Variants in DYSF observed in about 807,000 individuals in gnomAD.
DYSF encodes the protein dysferlin.
A neutral mutation model predicts 274.9 loss-of-function variants in DYSF; 212 were observed. The observed-to-expected ratio is 0.77, with a 90% CI of 0.69 to 0.86. The LOEUF (loss-of-function observed/expected upper bound fraction) is 0.86, where lower values mean the gene tolerates loss of function less well. DYSF is among the 40% of genes least tolerant of loss of function. The probability of loss-of-function intolerance (pLI) is 0.00; values close to 1 mark genes in which losing one functional copy is unlikely to be tolerated. For synonymous variants in DYSF, 1,091 were observed against 1,078.7 expected (o/e 1.01, Z -0.22); for missense variants, 2,666 against 2,783.2 (o/e 0.96, Z 0.95).
chr2:71,549,197 G>A (rs1355090710), intron 17 of DYSF, among the ~76,000 whole-genome samples: 1 of 152,128 alleles, frequency 6.6e-6, no homozygotes, highest in African/African-American at 2.4e-5. Flanking sequence ...CAGCTGGGCA[G>A]AGGGTGGGGC....
chr2:71,555,368 A>AG (rs1214930868), intron 21 of DYSF, among the ~76,000 whole-genome samples: 1 of 151,886 alleles, frequency 6.6e-6, no homozygotes, highest in Non-Finnish European at 1.5e-5. Flanking sequence ...TCGGGGGCTG[A>AG]GGGACAGTCC....
At chr2:71,605,385 T>C (rs1249658807) in intron 36 of DYSF, among the ~76,000 whole-genome samples, 1 of 152,192 alleles carries the variant, frequency 6.6e-6, no homozygotes, top group African/African-American at 2.4e-5. Flanking sequence ...TGTGCGAGTG[T>C]GTACACTCTC....
chr2:71,564,072 G>A lies in DYSF; in HGVS notation c.2424G>A (p.Leu808=). The change falls in exon 24 of 56, where the codon CTG becomes CTA. Residue 808 remains leucine (L), a synonymous_variant. Coordinates refer to ENST00000410020, the MANE Select transcript of DYSF (RefSeq NM_001130987.2). ...RALAEEPQNS[L]PDIVIWMLQG... is the part of the protein sequence containing the mutation. ...CCTCTGTTCAGCCCCAGAACAGCCT[G>A]CCGGACATCGTCATCTGGATGCTGC... is the stretch of plus-strand genomic sequence containing the variant. The A allele has an allele frequency of 1.2e-6, 2 of 1,614,188 alleles. No individual in the cohort carries two copies. Among genetic ancestry groups the A allele is most frequent in the South Asian group, 2.2e-5 (2 of 91,080 alleles).
At chr2:71,634,831 A>G (rs550856791) in intron 41 of DYSF, among the ~76,000 whole-genome samples, 4 of 152,136 alleles carry the variant, frequency 2.6e-5, no homozygotes, top group African/African-American at 9.6e-5. Flanking sequence ...ACATTTAGAG[A>G]CCCACTGATT....
intron 4 of DYSF, among the ~76,000 whole-genome samples, chr2:71,505,355 C>G (rs931126669): frequency 6.6e-6 from 1 of 152,230 alleles, no homozygotes; most frequent in African/African-American, 2.4e-5. Context: ...CATTTCTGAG[C>G]TAAGCCCAAT....
intron 3 of DYSF, among the ~76,000 whole-genome samples, chr2:71,491,984 C>A (rs920778209): frequency 5.3e-5 from 8 of 152,194 alleles, no homozygotes; most frequent in African/African-American, 1.9e-4. Context: ...CCAGCCCCCG[C>A]TTCTGGCATG....
chr2:71,473,461 A>C (rs145398050), intron 1 of DYSF, among the ~76,000 whole-genome samples: 60 of 152,282 alleles, frequency 3.9e-4, no homozygotes, highest in Non-Finnish European at 7.4e-4. Context: ...CAGGATCCAA[A>C]GCCCCCTGCA....
chr2:71,583,195 G>T (rs995912900), intron 30 of DYSF, among the ~76,000 whole-genome samples: 1 of 152,112 alleles, frequency 6.6e-6, no homozygotes, highest in Non-Finnish European at 1.5e-5. Context: ...CAGAATTCCT[G>T]AAAATATAAT....
intron 5 of DYSF, 125 bp from the exon 6 acceptor site, chr2:71,513,115 T>C: frequency 1.1e-6 from 1 of 896,436 alleles, no homozygotes; most frequent in Non-Finnish European, 1.8e-6. Context: ...CAGCTATTTC[T>C]GAGCTTTGCA....
intron 40 of DYSF, 108 bp downstream of exon 40, chr2:71,613,518 A>C: frequency 4.1e-6 from 4 of 978,872 alleles, no homozygotes; most frequent in Non-Finnish European, 6.4e-6. Context: ...CTCTATACAC[A>C]TCCCCTTCTG....
At chr2:71,641,779 C>T (rs2094490036) in intron 41 of DYSF, among the ~76,000 whole-genome samples, 1 of 152,024 alleles carries the variant, frequency 6.6e-6, no homozygotes, top group African/African-American at 2.4e-5. Flanking sequence ...TAAGCATATG[C>T]CTTTAAATTT....
At chr2:71,485,093 C>G (rs1023216124) in intron 3 of DYSF, among the ~76,000 whole-genome samples, 2 of 152,228 alleles carry the variant, frequency 1.3e-5, no homozygotes, top group African/African-American at 2.4e-5. Context: ...TTTCTTATAA[C>G]ATTTAAATGT....
At chr2:71,515,826 A>G (rs2086597400) in intron 8 of DYSF, 75 bp downstream of exon 8, 5 of 1,600,686 alleles carry the variant, frequency 3.1e-6, no homozygotes, top group Non-Finnish European at 4.3e-6. Context: ...GACACCTGGC[A>G]ATTCATTCAA....
At chr2:71,521,914 G>A (rs113027529) in intron 12 of DYSF, among the ~76,000 whole-genome samples, 91 of 152,176 alleles carry the variant, frequency 6.0e-4, no homozygotes, top group African/African-American at 2.1e-3. Flanking sequence ...TTCCCTTGGA[G>A]AGGCAGAGCT....
chr2:71,611,638 C>G lies in DYSF; in HGVS notation c.4221+12C>G. 6.2e-7 allele frequency: 1 copy of G among 1,612,644 alleles called. No homozygotes were observed. Among genetic ancestry groups the G allele is most frequent in the Non-Finnish European group, 8.5e-7 (1 of 1,179,820 alleles). ...TCTTCATGGAAGTGGTGAGCCCCAC[C>G]TCCCTACTGTCCCCTTCCAGAGTCC... On this transcript the variant is annotated intron_variant, in intron 38 of 55. Transcript: ENST00000410020.
chr2:71,577,689 C>T (rs1419074226), intron 30 of DYSF, among the ~76,000 whole-genome samples: 1 of 152,042 alleles, frequency 6.6e-6, no homozygotes, highest in Non-Finnish European at 1.5e-5. Flanking sequence ...CTCTTTCACA[C>T]TCACACTCCC....
At chr2:71,667,347 G>A (rs377733841) in intron 47 of DYSF, 29 bp from the exon 48 acceptor site, 8 of 1,613,902 alleles carry the variant, frequency 5.0e-6, no homozygotes, top group Non-Finnish European at 6.8e-6. Flanking sequence ...CCCAGCTCCT[G>A]CAACTTTTTT....
chr2:71,654,565 T>C (rs2094730965), intron 42 of DYSF, among the ~76,000 whole-genome samples: 1 of 152,114 alleles, frequency 6.6e-6, no homozygotes, highest in Non-Finnish European at 1.5e-5. Flanking sequence ...GGAGGATTGC[T>C]TGAGGCCAGG....
At chr2:71,660,826 A>G (rs1449361939) in intron 45 of DYSF, among the ~76,000 whole-genome samples, 175 bp downstream of exon 45, 2 of 152,210 alleles carry the variant, frequency 1.3e-5, no homozygotes, top group Non-Finnish European at 2.9e-5. Flanking sequence ...TTTAGCTGCT[A>G]AAGACTTGAT....
Sources: gnomAD v4.1 joint callset for allele counts (sites outside exome capture counted in the v4.1 genomes callset) on GRCh38, gnomAD v4.1.1 for gene constraint, MANE v1.5 for transcripts, NCBI Gene and HGNC (gene_info 2026-07-23, HGNC 2026-07-21) for gene names.